The following KAZN variants were observed in gnomAD, a reference collection of about 807,000 sequenced individuals.
The protein encoded by KAZN is kazrin, periplakin interacting protein.
A neutral mutation model predicts 87.4 loss-of-function variants in KAZN; 40 were observed. The observed-to-expected ratio is 0.46, with a 90% CI of 0.36 to 0.60. The LOEUF is 0.60. KAZN is among the 20% of genes least tolerant of loss of function. KAZN has a pLI of 0.00. For missense variants in KAZN, 898 were observed against 1,073.9 expected, an observed-to-expected ratio of 0.84 and a Z score of 2.29; for synonymous variants, 466 against 458.3, an observed-to-expected ratio of 1.02 and a Z score of -0.22.
chr1:14,726,265 G>A (rs1643377077), intron 1 of KAZN, among the ~76,000 whole-genome samples: 1 of 152,222 alleles, frequency 6.6e-6, no homozygotes, highest in South Asian at 2.1e-4. Flanking sequence ...TGGTGCTTGG[G>A]AGAAGCAGAT....
chr1:14,909,953 T>C (rs888219797), intron 1 of KAZN, among the ~76,000 whole-genome samples: 46 of 152,226 alleles, frequency 3.0e-4, no homozygotes, highest in African/African-American at 1.0e-3. Flanking sequence ...CTCGGGAGGC[T>C]GAGACAAGAG....
intron 1 of KAZN, among the ~76,000 whole-genome samples, chr1:14,764,389 C>A (rs867289625): frequency 2.0e-5 from 3 of 146,504 alleles, no homozygotes; most frequent in East Asian, 2.0e-4. Flanking sequence ...CCCCCACACC[C>A]CCCCCACAAT....
chr1:14,453,266 C>T (rs1455530127), intron 2 of KAZN, among the ~76,000 whole-genome samples: 1 of 152,080 alleles, frequency 6.6e-6, no homozygotes, highest in Admixed American at 6.5e-5. Flanking sequence ...AAATAGGCCT[C>T]TCTTTTACTC....
intron 1 of KAZN, among the ~76,000 whole-genome samples, chr1:14,103,901 A>G (rs769872922): frequency 7.2e-5 from 11 of 152,208 alleles, no homozygotes; most frequent in Non-Finnish European, 1.2e-4. Flanking sequence ...CCAAACCTAG[A>G]GATCAACACA....
intron 2 of KAZN, among the ~76,000 whole-genome samples, chr1:14,357,728 T>C (rs1030155463): frequency 8.5e-5 from 13 of 152,208 alleles, no homozygotes; most frequent in African/African-American, 3.1e-4. Context: ...ATTACATTTA[T>C]TGATTTGTGT....
chr1:14,204,714 A>G (rs1646703825), intron 2 of KAZN, among the ~76,000 whole-genome samples: 1 of 152,274 alleles, frequency 6.6e-6, no homozygotes, highest in Non-Finnish European at 1.5e-5. Context: ...ATGGAATTAC[A>G]GAATTAACAA....
At chr1:14,666,247 A>C (rs115662443) in intron 1 of KAZN, among the ~76,000 whole-genome samples, 1,735 of 152,116 alleles carry the variant, frequency 0.011, 46 homozygotes, top group African/African-American at 0.04. Context: ...GGGACAAAGC[A>C]TTATGGTCTT....
At chr1:14,227,060 AAAAT>A (rs1326252822) in intron 2 of KAZN, among the ~76,000 whole-genome samples, 3 of 152,204 alleles carry the variant, frequency 2.0e-5, no homozygotes, top group African/African-American at 7.2e-5. Context: ...GTTGGAAAGA[AAAAT>A]AAATAAATGT....
intron 2 of KAZN, among the ~76,000 whole-genome samples, chr1:14,437,711 C>T (rs1181429580): frequency 1.3e-5 from 2 of 152,152 alleles, no homozygotes; most frequent in Non-Finnish European, 2.9e-5. Flanking sequence ...CATGAGAAGC[C>T]GGGAGGCTCT....
chr1:14,020,571 G>C (rs1485482006), intron 1 of KAZN, among the ~76,000 whole-genome samples: 1 of 152,188 alleles, frequency 6.6e-6, no homozygotes, highest in Non-Finnish European at 1.5e-5. Flanking sequence ...AAACTGTTTT[G>C]TATAATTACA....
At chr1:14,320,506 C>T (rs77229369) in intron 2 of KAZN, among the ~76,000 whole-genome samples, 1 of 152,058 alleles carries the variant, frequency 6.6e-6, no homozygotes, top group African/African-American at 2.4e-5. Flanking sequence ...ACCCTACACA[C>T]CTGCAACCCC....
intron 2 of KAZN, among the ~76,000 whole-genome samples, chr1:14,971,719 T>G (rs973458024): frequency 6.7e-6 from 1 of 148,782 alleles, no homozygotes; most frequent in African/African-American, 2.5e-5. Flanking sequence ...TCTCGCTCTG[T>G]TGCCCAGGCT....
At chr1:14,107,095 C>G (rs139506062) in intron 1 of KAZN, among the ~76,000 whole-genome samples, 95 of 149,014 alleles carry the variant, frequency 6.4e-4, no homozygotes, top group African/African-American at 2.3e-3. Context: ...TTCCCTCCCT[C>G]CCTCACATTC....
chr1:14,694,099 T>C (rs974864268), intron 1 of KAZN, among the ~76,000 whole-genome samples: 5 of 152,232 alleles, frequency 3.3e-5, no homozygotes, highest in Admixed American at 2.0e-4. Flanking sequence ...GGCCGTTGTT[T>C]ATCGGACTCC....
At position 13,996,324 on chromosome 1, in the gene KAZN, C is replaced by T. The variant is rs138764954; in HGVS notation, c.91+102568C>T. On this transcript the variant is annotated intron_variant, in intron 1 of 16. Coordinates refer to the KAZN transcript ENST00000636203. ...AATCCCCTTAAGCCTATGGAGCTCC[C>T]GGGGAGGGAGGGGCAACCAGCACCA... Among the ~76,000 whole-genome samples the T allele has an allele frequency of 4.9e-3, 739 of 152,226 alleles. 5 individuals carry two copies. The highest frequency in any genetic ancestry group is 0.017 in the African/African-American group (690 of 41,528).
intron 2 of KAZN, among the ~76,000 whole-genome samples, chr1:14,375,561 G>A (rs1314136604): frequency 6.6e-6 from 1 of 152,160 alleles, no homozygotes; most frequent in Non-Finnish European, 1.5e-5. Context: ...TTCATCTCAT[G>A]CTCAGCATAA....
intron 1 of KAZN, among the ~76,000 whole-genome samples, chr1:14,867,732 C>A (rs1054064319): frequency 8.0e-6 from 1 of 125,432 alleles, no homozygotes; most frequent in Non-Finnish European, 1.7e-5. Context: ...ACACCCCCCC[C>A]CCCACCCTGG....
intron 1 of KAZN, among the ~76,000 whole-genome samples, chr1:14,012,410 C>A (rs1192520601): frequency 2.0e-5 from 3 of 152,160 alleles, no homozygotes. Flanking sequence ...TCAACAATAT[C>A]CAATTGCTTA....
chr1:14,038,044 TATTCATCC>T (rs1641636077), intron 1 of KAZN, among the ~76,000 whole-genome samples: 1 of 152,220 alleles, frequency 6.6e-6, no homozygotes, highest in Non-Finnish European at 1.5e-5. Flanking sequence ...TCCACCCATC[TATTCATCC>T]ATTCATCCAT....
Sources: allele counts gnomAD v4.1 joint callset (sites outside exome capture counted in the v4.1 genomes callset), GRCh38; gene constraint gnomAD v4.1.1; transcripts MANE v1.5; gene names NCBI Gene and HGNC (gene_info 2026-07-23, HGNC 2026-07-21).